FBXL4: variants seen among roughly 807,000 people sequenced by gnomAD.
The protein encoded by FBXL4 is F-box and leucine rich repeat protein 4.
A neutral mutation model predicts 58.9 loss-of-function variants in FBXL4; 40 were observed. That is an observed-to-expected ratio of 0.68 (90% confidence interval 0.53 to 0.88). FBXL4 has a LOEUF of 0.88. Among genes scored for constraint, FBXL4 ranks in the 40% least tolerant of loss-of-function variants. The probability of loss-of-function intolerance (pLI) is 0.00; values close to 1 mark genes in which losing one functional copy is unlikely to be tolerated. For missense variants in FBXL4, 676 were observed against 734.4 expected, an observed-to-expected ratio of 0.92 and a Z score of 0.92; for synonymous variants, 263 against 265.5, an observed-to-expected ratio of 0.99 and a Z score of 0.09.
intron 5 of FBXL4, among the ~76,000 whole-genome samples, chr6:98,915,698 A>T (rs1331051556): frequency 2.0e-5 from 3 of 152,220 alleles, no homozygotes; most frequent in Non-Finnish European, 2.9e-5. Context: ...TAAACGTTAG[A>T]CCTAAAACCA....
chr6:98,920,717 C>T (rs1772547320), intron 4 of FBXL4, among the ~76,000 whole-genome samples: 2 of 151,906 alleles, frequency 1.3e-5, no homozygotes, highest in South Asian at 4.2e-4. Context: ...ATGAGAATTT[C>T]TTTTTATTCT....
chr6:98,877,939 A>G (rs549452645), intron 8 of FBXL4, among the ~76,000 whole-genome samples: 1 of 152,350 alleles, frequency 6.6e-6, no homozygotes, highest in South Asian at 2.1e-4. Context: ...AAACATGTTT[A>G]CGGCATTGAC....
At chr6:98,944,860 C>T (rs557671186) in intron 1 of FBXL4, among the ~76,000 whole-genome samples, 1 of 152,164 alleles carries the variant, frequency 6.6e-6, no homozygotes, top group Admixed American at 6.5e-5. Context: ...ATCACATCAC[C>T]CTGTGGAAAT....
At chr6:98,910,649 T>C (rs1178935687) in intron 5 of FBXL4, among the ~76,000 whole-genome samples, 1 of 144,602 alleles carries the variant, frequency 6.9e-6, no homozygotes. Context: ...AGAGCGAGAC[T>C]CCATCTCGAA....
intron 5 of FBXL4, among the ~76,000 whole-genome samples, chr6:98,909,767 C>T (rs1469476828): frequency 7.2e-5 from 11 of 152,190 alleles, no homozygotes; most frequent in African/African-American, 1.4e-4. Context: ...CTTCATCTTT[C>T]CTCCCTCCTC....
intron 5 of FBXL4, among the ~76,000 whole-genome samples, chr6:98,908,289 G>C (rs1047223100): frequency 4.6e-5 from 7 of 152,096 alleles, no homozygotes; most frequent in African/African-American, 1.7e-4. Flanking sequence ...CTAAAAGAAT[G>C]ATACTATATA....
intron 5 of FBXL4, among the ~76,000 whole-genome samples, chr6:98,907,139 T>C (rs1562231853): frequency 6.6e-6 from 1 of 152,194 alleles, no homozygotes; most frequent in African/African-American, 2.4e-5. Flanking sequence ...CTGATGATAG[T>C]TTTTTGCTGG....
chr6:98,909,854 T>C (rs1405047339), intron 5 of FBXL4, among the ~76,000 whole-genome samples: 6 of 152,228 alleles, frequency 3.9e-5, no homozygotes, highest in Non-Finnish European at 8.8e-5. Context: ...CCTGGTCCCA[T>C]GGCTTAAAGA....
intron 5 of FBXL4, among the ~76,000 whole-genome samples, chr6:98,909,819 C>A (rs1488205819): frequency 6.6e-6 from 1 of 152,142 alleles, no homozygotes; most frequent in African/African-American, 2.4e-5. Context: ...AGCTCCCTTT[C>A]CATCACATGA....
intron 2 of FBXL4, among the ~76,000 whole-genome samples, chr6:98,932,896 T>C (rs1230192001): frequency 6.8e-6 from 1 of 146,208 alleles, no homozygotes; most frequent in African/African-American, 2.5e-5. Context: ...CAGAGACATG[T>C]CAATGAAGTC....
chr6:98,945,472 T>C (rs974897046), intron 1 of FBXL4, among the ~76,000 whole-genome samples: 1 of 152,202 alleles, frequency 6.6e-6, no homozygotes. Flanking sequence ...GCAGTGATCA[T>C]CTTTATGGAA....
chr6:98,943,260 G>T (rs545607423), intron 1 of FBXL4, among the ~76,000 whole-genome samples: 1 of 150,864 alleles, frequency 6.6e-6, no homozygotes, highest in South Asian at 2.1e-4. Context: ...TTTATAAAAT[G>T]TAAAACAAAA....
In FBXL4 at chr6:98,874,146, T is replaced by C; in HGVS notation, c.*132A>G. On this transcript the variant is annotated 3_prime_UTR_variant, in exon 10 of 10. Transcript: ENST00000369244. ...ATTTTTACTTGATTTAATGGACAAT[T>C]TCATATTTTTCTTTAAAATCTACAA... 1 of 639,292 alleles carries C rather than the reference T, an allele frequency of 1.6e-6. No individual in the cohort carries two copies. The highest frequency in any genetic ancestry group is 3.2e-5 in the East Asian group (1 of 31,264). 39.6% of individuals were successfully genotyped at this position (639,292 alleles called of 1,614,324 possible).
In FBXL4 at chr6:98,910,055, T is replaced by C. The variant is rs1771971183; in HGVS notation, c.859-4385A>G. ...TGTGTTATTTCCATGAAATCTGAAA[T>C]ACACATCAATTTGGAAAAGGGATAT... On this transcript the variant is annotated intron_variant, in intron 5 of 9. Coordinates refer to ENST00000369244, the MANE Select transcript of FBXL4 (RefSeq NM_001278716.2). 2.0e-5 allele frequency among the ~76,000 whole-genome samples: 3 copies of C among 152,222 alleles called. No homozygotes were observed. The South Asian group carries it at 6.2e-4, about 32-fold the overall frequency.
intron 6 of FBXL4, among the ~76,000 whole-genome samples, chr6:98,901,485 G>T (rs769276634): frequency 9.2e-5 from 14 of 152,078 alleles, no homozygotes; most frequent in Non-Finnish European, 1.9e-4. Flanking sequence ...GGAGACAATA[G>T]GAAACTTCCC....
chr6:98,902,163 T>A (rs1771637801), intron 6 of FBXL4, among the ~76,000 whole-genome samples: 1 of 152,144 alleles, frequency 6.6e-6, no homozygotes, highest in Non-Finnish European at 1.5e-5. Flanking sequence ...AGAAATTGCC[T>A]GAAGTATAAA....
intron 7 of FBXL4, among the ~76,000 whole-genome samples, chr6:98,891,466 T>C (rs1297864709): frequency 2.6e-5 from 4 of 152,210 alleles, no homozygotes; most frequent in South Asian, 2.1e-4. Context: ...CAGTCTCATT[T>C]TGAAGCCTAT....
chr6:98,890,569 AT>A (rs1771189686), intron 7 of FBXL4, among the ~76,000 whole-genome samples: 2 of 151,978 alleles, frequency 1.3e-5, no homozygotes, highest in South Asian at 2.1e-4. Context: ...CTCTAATTAA[AT>A]TTTTTTTGGC....
chr6:98,929,645 T>G (rs1405400986), intron 2 of FBXL4, among the ~76,000 whole-genome samples: 2 of 151,200 alleles, frequency 1.3e-5, no homozygotes, highest in Non-Finnish European at 2.9e-5. Flanking sequence ...GGTCAGGGGC[T>G]GAAGCTAACA....
Sources: allele counts gnomAD v4.1 joint callset (sites outside exome capture counted in the v4.1 genomes callset), GRCh38; gene constraint gnomAD v4.1.1; transcripts MANE v1.5; gene names NCBI Gene and HGNC (gene_info 2026-07-23, HGNC 2026-07-21).